MSRA: variants seen among roughly 807,000 people sequenced by gnomAD.
The protein encoded by MSRA is mitochondrial peptide methionine sulfoxide reductase.
In MSRA, 54 loss-of-function variants were observed where a neutral mutation model predicts 31.3. That is an observed-to-expected ratio of 1.73 (90% CI 1.39 to 2.17). MSRA has a LOEUF of 2.17. MSRA is among the 30% of genes most tolerant of loss of function. The pLI is 0.00. For missense variants in MSRA, 507 were observed against 300.9 expected (o/e 1.69, Z -5.07); for synonymous variants, 169 against 116.5 (o/e 1.45, Z -2.90).
chr8:10,381,860 C>T (rs1806090438), intron 5 of MSRA, among the ~76,000 whole-genome samples: 1 of 152,166 alleles, frequency 6.6e-6, no homozygotes, highest in Admixed American at 6.5e-5. Context: ...AAAAATCACC[C>T]TGGGTGATCT....
At chr8:10,371,420 A>G (rs1314603478) in intron 5 of MSRA, among the ~76,000 whole-genome samples, 1 of 152,080 alleles carries the variant, frequency 6.6e-6, no homozygotes, top group African/African-American at 2.4e-5. Flanking sequence ...CATAGAACTC[A>G]TGCAAGGTTG....
chr8:10,183,159 G>A (rs1319974195), intron 1 of MSRA, among the ~76,000 whole-genome samples: 3 of 152,110 alleles, frequency 2.0e-5, no homozygotes, highest in African/African-American at 7.2e-5. Flanking sequence ...AGCTCTTGAG[G>A]ACTATTTGCC....
intron 5 of MSRA, among the ~76,000 whole-genome samples, chr8:10,424,909 G>A (rs1809042848): frequency 6.6e-6 from 1 of 152,224 alleles, no homozygotes; most frequent in South Asian, 2.1e-4. Flanking sequence ...CCACCCCGGG[G>A]GACAGCGAAG....
intron 5 of MSRA, among the ~76,000 whole-genome samples, chr8:10,419,000 A>C (rs6991690): frequency 0.99 from 151,201 of 152,150 alleles, 75,135 homozygotes; most frequent in Middle Eastern, 1. Flanking sequence ...GGTCAGTCCT[A>C]CTAAGGCGGG....
At chr8:10,244,033 G>C (rs998296907) in intron 2 of MSRA, among the ~76,000 whole-genome samples, 1 of 152,130 alleles carries the variant, frequency 6.6e-6, no homozygotes, top group African/African-American at 2.4e-5. Context: ...ATATTAAAGA[G>C]TGTCAAGAAT....
intron 5 of MSRA, among the ~76,000 whole-genome samples, chr8:10,322,174 T>A (rs4841315): frequency 0.18 from 27,361 of 152,152 alleles, 3,262 homozygotes; most frequent in Non-Finnish European, 0.27. Flanking sequence ...GAAAGCCATA[T>A]GTTCTATTTG....
intron 1 of MSRA, among the ~76,000 whole-genome samples, chr8:10,191,906 C>G (rs1427697403): frequency 2.0e-5 from 3 of 152,106 alleles, no homozygotes; most frequent in African/African-American, 7.2e-5. Context: ...CATTTACTAT[C>G]CCATAGTTTT....
At chr8:10,409,643 G>A (rs1260862727) in intron 5 of MSRA, among the ~76,000 whole-genome samples, 5 of 151,942 alleles carry the variant, frequency 3.3e-5, no homozygotes, top group African/African-American at 7.3e-5. Flanking sequence ...GCCTGGTACA[G>A]GGTGAATGCA....
intron 2 of MSRA, among the ~76,000 whole-genome samples, chr8:10,211,159 A>G (rs999821696): frequency 6.6e-6 from 1 of 152,198 alleles, no homozygotes; most frequent in African/African-American, 2.4e-5. Context: ...AAGCTTTTAG[A>G]TTAGAATGTG....
intron 2 of MSRA, among the ~76,000 whole-genome samples, chr8:10,212,173 C>G (rs906151639): frequency 6.6e-6 from 1 of 150,862 alleles, no homozygotes; most frequent in Admixed American, 6.6e-5. Flanking sequence ...GGTAACAGAG[C>G]GAGACTCTGT....
At chr8:10,160,615 C>T (rs377147449) in intron 1 of MSRA, among the ~76,000 whole-genome samples, 2 of 152,146 alleles carry the variant, frequency 1.3e-5, no homozygotes, top group Admixed American at 6.5e-5. Flanking sequence ...TCACTGCAAC[C>T]TCTGCCACCC....
rs200523965 is a variant in MSRA at position 10,180,915 on chromosome 8, A to G, written c.143-26918A>G. 4.6e-5 allele frequency among the ~76,000 whole-genome samples: 7 copies of G among 152,256 alleles called. No individual in the cohort carries two copies. In the East Asian group the frequency reaches 1.3e-3, roughly 29 times the overall value. On this transcript the variant is annotated intron_variant, in intron 1 of 5. Transcript: ENST00000317173. ...GTTGCCACATTTTTGAAATTGGAAA[A>G]TTCTGTTTTAGTTGACTTCCTGGAC...
At chr8:10,258,818 G>A (rs1798316743) in intron 3 of MSRA, among the ~76,000 whole-genome samples, 1 of 152,202 alleles carries the variant, frequency 6.6e-6, no homozygotes, top group Non-Finnish European at 1.5e-5. Context: ...TTAAGAAGCA[G>A]ATAGACAGCG....
intron 1 of MSRA, among the ~76,000 whole-genome samples, chr8:10,096,623 T>G (rs1799173311): frequency 6.6e-6 from 1 of 152,226 alleles, no homozygotes; most frequent in African/African-American, 2.4e-5. Flanking sequence ...TCAAAATGTT[T>G]TAAGTAGAAG....
chr8:10,107,527 G>A (rs1799973331), intron 1 of MSRA, among the ~76,000 whole-genome samples: 2 of 151,994 alleles, frequency 1.3e-5, no homozygotes, highest in Admixed American at 6.6e-5. Context: ...TCTTCCACCT[G>A]GATTCCTTCT....
intron 5 of MSRA, chr8:10,336,976 G>C (rs543834282): frequency 6.6e-6 from 1 of 152,276 alleles, no homozygotes; most frequent in Admixed American, 6.5e-5. Flanking sequence ...CTGGCCACAA[G>C]GCTGCCATTC....
At chr8:10,170,257 G>A (rs1421850254) in intron 1 of MSRA, among the ~76,000 whole-genome samples, 1 of 152,114 alleles carries the variant, frequency 6.6e-6, no homozygotes, top group African/African-American at 2.4e-5. Flanking sequence ...AATCTCCAAT[G>A]TGATGATATC....
At chr8:10,353,827 A>G in intron 5 of MSRA, 2 of 268,636 alleles carry the variant, frequency 7.4e-6, no homozygotes, top group East Asian at 1.1e-4. Context: ...AAATAACAAG[A>G]CATTTTACCA....
At chr8:10,260,456 G>A (rs771269855) in intron 3 of MSRA, among the ~76,000 whole-genome samples, 2 of 152,278 alleles carry the variant, frequency 1.3e-5, no homozygotes, top group East Asian at 1.9e-4. Context: ...CGACTCTAGC[G>A]GCACACGTAC....
Sources: gnomAD v4.1 joint callset for allele counts (sites outside exome capture counted in the v4.1 genomes callset) on GRCh38, gnomAD v4.1.1 for gene constraint, MANE v1.5 for transcripts, NCBI Gene and HGNC (gene_info 2026-07-23, HGNC 2026-07-21) for gene names.